CASZ1: variants seen among roughly 807,000 people sequenced by gnomAD.
CASZ1 encodes castor zinc finger 1.
A neutral mutation model predicts 135.2 loss-of-function variants in CASZ1; 28 were observed. The observed-to-expected ratio is 0.21, with a 90% CI of 0.15 to 0.28. CASZ1 has a LOEUF of 0.28. CASZ1 is among the 10% of genes least tolerant of loss of function. The probability of loss-of-function intolerance (pLI) is 1.00; values close to 1 mark genes in which losing one functional copy is unlikely to be tolerated. For missense variants in CASZ1, 2,161 were observed against 2,453.3 expected, an observed-to-expected ratio of 0.88 and a Z score of 2.52; for synonymous variants, 1,068 against 1,073.4, an observed-to-expected ratio of 0.99 and a Z score of 0.10.
chr1:10,680,167 G>T (rs1433759544), intron 4 of CASZ1, among the ~76,000 whole-genome samples: 3 of 152,188 alleles, frequency 2.0e-5, no homozygotes, highest in Middle Eastern at 3.4e-3. Flanking sequence ...TCTGGGCAAA[G>T]GCTGAGTAAG....
At position 10,637,006 on chromosome 1, in the gene CASZ1, C is replaced by T. The variant is rs1350572031; in HGVS notation, c.*1936G>A. 1 of 152,286 alleles carries T rather than the reference C, an allele frequency of 6.6e-6. No homozygotes were observed. The highest frequency in any genetic ancestry group is 1.5e-5 in the Non-Finnish European group (1 of 67,990). The allele number at this position is 152,286 out of a possible 1,614,324, so 9.4% of individuals were successfully genotyped here. A position where few individuals can be genotyped will look rare whatever the true frequency, so the allele number is the denominator to read the frequency against. On this transcript the variant is annotated 3_prime_UTR_variant, in exon 21 of 21. Transcript: ENST00000377022. ...GTTTCCCCACAGAAAGAAAATAAAA[C>T]AAAAATTACACGTTAAAATTCAAAA...
intron 4 of CASZ1, among the ~76,000 whole-genome samples, chr1:10,688,061 C>T (rs1638648949): frequency 6.6e-6 from 1 of 152,214 alleles, no homozygotes; most frequent in African/African-American, 2.4e-5. Flanking sequence ...AGCAGGAAGG[C>T]GTGAGCCCCG....
Position 10,724,313 on chromosome 1 carries a change from G to C in CASZ1, c.-76-18769C>G, listed in dbSNP as rs1373984808. On this transcript the variant is annotated intron_variant, in intron 2 of 20. Coordinates refer to ENST00000377022, the MANE Select transcript of CASZ1 (RefSeq NM_001079843.3). This position sits in a 1 kb window ranked among gnomAD's most constrained non-coding sequence, Gnocchi z 4.1. ...TGAGGAAATCAAAGTGAACGCAACT[G>C]TTACCAAGTCACTACTAAAATATTT... Among the ~76,000 whole-genome samples the C allele has an allele frequency of 6.6e-6, 1 of 152,204 alleles. No individual in the cohort carries two copies. Among genetic ancestry groups the C allele is most frequent in the Non-Finnish European group, 1.5e-5 (1 of 68,036 alleles).
chr1:10,650,819 T>C (rs963224763), intron 12 of CASZ1, 64 bp from the exon 13 acceptor site: 41 of 1,600,598 alleles, frequency 2.6e-5, no homozygotes, highest in Non-Finnish European at 3.5e-5. Context: ...GGGGCTCACC[T>C]TCCCTGCCCG....
In CASZ1 at chr1:10,757,314, G is replaced by A. The variant is rs919047351; in HGVS notation, c.-77+3387C>T. 2.0e-5 allele frequency among the ~76,000 whole-genome samples: 3 copies of A among 152,060 alleles called. No individual in the cohort carries two copies. Among genetic ancestry groups the A allele is most frequent in the Admixed American group, 1.3e-4 (2 of 15,264 alleles). On this transcript the variant is annotated intron_variant, in intron 2 of 20. Coordinates refer to ENST00000377022, the MANE Select transcript of CASZ1 (RefSeq NM_001079843.3). The surrounding 1 kb of genome is among the most constrained non-coding windows in gnomAD (Gnocchi z 4.6). ...CATCCTGGGGCCCTCTCTTTTCCTT[G>A]CCCCGTTGAATCCATCATTGAGTCC...
intron 9 of CASZ1, among the ~76,000 whole-genome samples, chr1:10,655,374 T>A (rs1388433779): frequency 6.6e-6 from 1 of 152,266 alleles, no homozygotes; most frequent in Admixed American, 6.5e-5. Flanking sequence ...CTGAAAAATG[T>A]CCATCTGTAT....
At chr1:10,668,449 A>G (rs1643305059) in intron 4 of CASZ1, among the ~76,000 whole-genome samples, 1 of 152,210 alleles carries the variant, frequency 6.6e-6, no homozygotes, top group Non-Finnish European at 1.5e-5. Context: ...TCTGGGAACA[A>G]TACTGCCCAG....
intron 2 of CASZ1, among the ~76,000 whole-genome samples, chr1:10,729,770 A>G (rs1639670281): frequency 9.9e-5 from 15 of 152,234 alleles, no homozygotes; most frequent in Admixed American, 9.8e-4. Context: ...TGTGTTCCTC[A>G]GCACACGCCC....
In CASZ1 at chr1:10,639,036, T is replaced by G. The variant is rs1435250553; in HGVS notation, c.5186A>C (p.Glu1729Ala). The change falls in exon 21 of 21, where the codon GAG (glutamate) becomes GCG (alanine). Residue 1729 changes from glutamate (E) to alanine (A), a missense_variant. By Grantham distance (107) the Glu-to-Ala change is moderately radical (BLOSUM62 -1). Coordinates refer to ENST00000377022, the MANE Select transcript of CASZ1 (RefSeq NM_001079843.3). This position sits in a 1 kb window ranked among gnomAD's most constrained non-coding sequence, Gnocchi z 4.0. Reference protein sequence around the residue: ...SEESLPEAAAEAAGAGARTPA... With the variant: ...SEESLPEAAAAAAGAGARTPA... ...GGTCCGCGCGCCCGCGCCCGCCGCC[T>G]CCGCCGCCGCCTCGGGCAGCGACTC... 7.1e-5 allele frequency: 74 copies of G among 1,040,174 alleles called. No individual in the cohort carries two copies. Among genetic ancestry groups the G allele is most frequent in the Non-Finnish European group, 8.5e-5 (73 of 855,174 alleles). The allele number at this position is 1,040,174 out of a possible 1,614,324, so 64.4% of individuals were successfully genotyped here. A position where few individuals can be genotyped will look rare whatever the true frequency, so the allele number is the denominator to read the frequency against.
Position 10,793,806 on chromosome 1 carries a change from C to T in CASZ1, c.-234+2758G>A, listed in dbSNP as rs114130828. On this transcript the variant is annotated intron_variant, in intron 1 of 20. Coordinates refer to ENST00000377022, the MANE Select transcript of CASZ1 (RefSeq NM_001079843.3). Reference sequence around the variant, plus strand: ...CTACCTCCTGGAAAGGAGAAGTTCTCCACTCTGCCCTGAAGAGGGTCCAGG... The same window carrying T: ...CTACCTCCTGGAAAGGAGAAGTTCTTCACTCTGCCCTGAAGAGGGTCCAGG... Among the ~76,000 whole-genome samples, 994 of 152,198 alleles carry T rather than the reference C, an allele frequency of 6.5e-3. 8 individuals are homozygous for T. The highest frequency in any genetic ancestry group is 0.023 in the African/African-American group (953 of 41,518).
chr1:10,643,240 TGAG>T lies in CASZ1; in HGVS notation c.3937_3939del (p.Leu1313del). ...CGCGCGTGGGAGGTCATCTGGTGCTTGAGGAGGAAGGAGAACTGGCAGCCCTCC... is the reference window on the plus strand; with the variant it reads ...CGCGCGTGGGAGGTCATCTGGTGCTTGAGGAAGGAGAACTGGCAGCCCTCC... On this transcript the variant is annotated inframe_deletion, in exon 19 of 21. Coordinates refer to ENST00000377022, the MANE Select transcript of CASZ1 (RefSeq NM_001079843.3). 1 of 1,613,030 alleles carries T rather than the reference TGAG, an allele frequency of 6.2e-7. No homozygotes were observed. The highest frequency in any genetic ancestry group is 8.5e-7 in the Non-Finnish European group (1 of 1,179,968).
At chr1:10,765,805 G>A (rs75065747) in intron 1 of CASZ1, among the ~76,000 whole-genome samples, 39 of 152,254 alleles carry the variant, frequency 2.6e-4, no homozygotes, top group Admixed American at 1.4e-3. Flanking sequence ...TCCTGCTGCC[G>A]GCAGGGGACA....
chr1:10,663,911 C>T (rs1643137999), intron 5 of CASZ1, among the ~76,000 whole-genome samples: 1 of 152,132 alleles, frequency 6.6e-6, no homozygotes, highest in Admixed American at 6.5e-5. Context: ...CCGTCAGCTG[C>T]GGGCAGAGCT....
rs969468128 is a variant in CASZ1 at position 10,719,974 on chromosome 1, C to T, written c.-76-14430G>A. On this transcript the variant is annotated intron_variant, in intron 2 of 20. Transcript: ENST00000377022. This position sits in a 1 kb window ranked among gnomAD's most constrained non-coding sequence, Gnocchi z 4.0. The stretch of plus-strand genomic sequence containing the variant: ...CAGGTCCTCCGACAGCACCAGGGTG[C>T]GGTGTGTTTGCGCACAAAAAGAATA... Among the ~76,000 whole-genome samples the T allele has an allele frequency of 1.3e-5, 2 of 152,214 alleles. No homozygotes were observed. The highest frequency in any genetic ancestry group is 4.1e-4 in the South Asian group (2 of 4,832).
Position 10,639,874 on chromosome 1 carries a change from A to C in CASZ1, c.4348T>G (p.Phe1450Val). The change falls in exon 21 of 21, where the codon TTC becomes GTC. Residue 1450 changes from phenylalanine (F) to valine (V), a missense_variant. By Grantham distance (50) the Phe-to-Val change is conservative. Transcript: ENST00000377022. The surrounding 1 kb of genome is among the most constrained non-coding windows in gnomAD (Gnocchi z 4.0). The part of the protein sequence containing the change: ...YEDCKDAACQ[F>V]SLKVTHYHCT... ...TGGTAGTGGGTGACCTTGAGCGAGAACTGACAAGCTGCGTCCTTGCAGTCC... is the reference window on the plus strand; with the variant it reads ...TGGTAGTGGGTGACCTTGAGCGAGACCTGACAAGCTGCGTCCTTGCAGTCC... The C allele has an allele frequency of 6.2e-7, 1 of 1,612,432 alleles. No individual in the cohort carries two copies. The highest frequency in any genetic ancestry group is 8.5e-7 in the Non-Finnish European group (1 of 1,179,774).
At chr1:10,745,435 C>G (rs561975921) in intron 2 of CASZ1, among the ~76,000 whole-genome samples, 145 of 152,230 alleles carry the variant, frequency 9.5e-4, no homozygotes, top group South Asian at 1.7e-3. Flanking sequence ...TGCCCTTCGC[C>G]AAGTGGATTG....
chr1:10,777,549 AATTTTACTCTGCCCGG>A lies in CASZ1; in HGVS notation c.-233-16708_-233-16693del, dbSNP rs1640682971. ...CGAAAAACAGACGGAAGACCCCGTT[AATTTTACTCTGCCCGG>A]CTACTACAACGAGGGGGAAAGAAGC... On this transcript the variant is annotated intron_variant, in intron 1 of 20. Transcript: ENST00000377022. This position sits in a 1 kb window ranked among gnomAD's most constrained non-coding sequence, Gnocchi z 4.4. Among the ~76,000 whole-genome samples, 1 of 152,162 alleles carries A rather than the reference AATTTTACTCTGCCCGG, an allele frequency of 6.6e-6. No individual in the cohort carries two copies. Among genetic ancestry groups the A allele is most frequent in the Non-Finnish European group, 1.5e-5 (1 of 68,022 alleles).
chr1:10,718,982 T>A (rs184021), intron 2 of CASZ1, among the ~76,000 whole-genome samples: 5 of 151,500 alleles, frequency 3.3e-5, no homozygotes, highest in Admixed American at 6.6e-5. Context: ...GTGTGATCTC[T>A]GCTCACTGCA....
chr1:10,647,778 T>A lies in CASZ1; in HGVS notation c.3497+23A>T, dbSNP rs931630155. 8 of 1,612,538 alleles carry A rather than the reference T, an allele frequency of 5.0e-6. No homozygotes were observed. The highest frequency in any genetic ancestry group is 2.2e-5 in the East Asian group (1 of 44,890). On this transcript the variant is annotated intron_variant, in intron 16 of 20. Transcript: ENST00000377022. The surrounding 1 kb of genome is among the most constrained non-coding windows in gnomAD (Gnocchi z 4.9). ...CCGAGACGCGAGGGGAACGCGGGAC[T>A]CCCGGCTCATCGAGGGACTCACTTC... is the stretch of plus-strand genomic sequence containing the variant.
Sources: allele counts gnomAD v4.1 joint callset (sites outside exome capture counted in the v4.1 genomes callset), GRCh38; gene constraint gnomAD v4.1.1; non-coding constraint Gnocchi (gnomAD v3.1); transcripts MANE v1.5; gene names NCBI Gene and HGNC (gene_info 2026-07-23, HGNC 2026-07-21).